Variants in GBF1 observed in about 807,000 individuals in gnomAD.
The protein encoded by GBF1 is golgi brefeldin A resistant guanine nucleotide exchange factor 1.
GBF1 carries 114 observed loss-of-function variants against 210.5 expected under a neutral mutation model. The observed-to-expected ratio is 0.54, with a 90% CI of 0.47 to 0.63. The LOEUF (loss-of-function observed/expected upper bound fraction) is 0.63. Among genes scored for constraint, GBF1 ranks in the 30% least tolerant of loss-of-function variants. The pLI, the probability that GBF1 is intolerant of heterozygous loss-of-function variation, is 0.00. For missense variants in GBF1, 1,851 were observed against 2,357.7 expected, an observed-to-expected ratio of 0.79 and a Z score of 4.45; for synonymous variants, 850 against 889.2, an observed-to-expected ratio of 0.96 and a Z score of 0.78.
chr10:102,346,577 C>T (rs143756600), intron 4 of GBF1, among the ~76,000 whole-genome samples: 31 of 152,308 alleles, frequency 2.0e-4, no homozygotes, highest in African/African-American at 6.5e-4. Context: ...GGCACAATCA[C>T]GGCTCACTGC....
chr10:102,344,029 A>AGACAAGC, intron 3 of GBF1, 22 bp from the exon 4 acceptor site: 1 of 1,607,868 alleles, frequency 6.2e-7, no homozygotes, highest in Non-Finnish European at 8.5e-7. Flanking sequence ...ATACCTCTTC[A>AGACAAGC]TTTCTGTGTA....
chr10:102,237,552 C>T, the GBF1 span, among the ~76,000 whole-genome samples: 6 of 151,926 alleles, frequency 3.9e-5, no homozygotes, highest in South Asian at 4.2e-4. Context: ...CATCAAAAAC[C>T]GCTAAGATTC....
chr10:102,242,153 C>T (rs1465484252), upstream of GBF1, among the ~76,000 whole-genome samples: 1 of 152,216 alleles, frequency 6.6e-6, no homozygotes, highest in Non-Finnish European at 1.5e-5. Flanking sequence ...CTTTCCTCTT[C>T]TTCATTTCCC....
At chr10:102,376,521 G>A (rs1334841285) in intron 31 of GBF1, 39 bp from the exon 32 acceptor site, 4 of 1,612,762 alleles carry the variant, frequency 2.5e-6, no homozygotes, top group South Asian at 2.2e-5. Flanking sequence ...TCACACAGGG[G>A]CCAAGCCTGT....
At chr10:102,378,637 AAAATAAAATAAG>A (rs2060652697) in intron 33 of GBF1, among the ~76,000 whole-genome samples, 1 of 151,812 alleles carries the variant, frequency 6.6e-6, no homozygotes, top group South Asian at 2.1e-4. Context: ...CCTGTCTCAA[AAAATAAAATAAG>A]AAATAAAATT....
Position 102,379,266 on chromosome 10 carries a change from C to A in GBF1, c.4495-18C>A. On this transcript the variant is annotated intron_variant, in intron 33 of 39. Transcript: ENST00000369983. ...AGACCTAACCCCACTCACATCCTGC[C>A]CCCTCCTGTGATCCTAGTTGCTAGA... The A allele has an allele frequency of 6.2e-7, 1 of 1,609,498 alleles. No individual in the cohort carries two copies. The highest frequency in any genetic ancestry group is 8.5e-7 in the Non-Finnish European group (1 of 1,177,792).
Position 102,367,466 on chromosome 10 carries a change from G to A in GBF1, c.2560-12G>A. 6.3e-7 allele frequency: 1 copy of A among 1,575,538 alleles called. No homozygotes were observed. The highest frequency in any genetic ancestry group is 8.7e-7 in the Non-Finnish European group (1 of 1,144,756). On this transcript the variant is annotated splice_polypyrimidine_tract_variant and intron_variant, in intron 20 of 39. Coordinates refer to ENST00000369983, the MANE Select transcript of GBF1 (RefSeq NM_001377137.1). The stretch of plus-strand genomic sequence containing the variant: ...TGACACAAGGGGAAAAAACTTACTG[G>A]CCTGTCTCTAGGAGTTTCGCAAAAA...
chr10:102,236,154 A>T, the GBF1 span, among the ~76,000 whole-genome samples: 1 of 152,212 alleles, frequency 6.6e-6, no homozygotes, highest in African/African-American at 2.4e-5. Flanking sequence ...GGGGGCGCCA[A>T]GCTGTTGTCT....
rs773507220 is a variant in GBF1 at position 102,375,449 on chromosome 10, C to A, written c.3751C>A (p.Leu1251Met). 6.2e-7 allele frequency: 1 copy of A among 1,613,228 alleles called. No individual in the cohort carries two copies. Among genetic ancestry groups the A allele is most frequent in the Admixed American group, 1.7e-5 (1 of 60,010 alleles). Residue 1251 changes from leucine (L) to methionine (M), a missense_variant, in exon 30 of 40, where the codon CTG (leucine) becomes ATG (methionine). Leu to Met is a conservative substitution (Grantham distance 15). Around this residue, in one of 3 missense-constraint regions of GBF1, gnomAD observed 967 missense variants for 1,247.7 expected, o/e 0.78. Coordinates refer to ENST00000369983, the MANE Select transcript of GBF1 (RefSeq NM_001377137.1). Reference sequence around the variant, plus strand: ...GGTTGCGTATGGGCTCCATGAACTCCTGAAGACCAATGCAGCCAACATCCA... The same window carrying A: ...GGTTGCGTATGGGCTCCATGAACTCATGAAGACCAATGCAGCCAACATCCA... Reference protein sequence around the residue: ...HQVAYGLHELLKTNAANIHSG... With the variant: ...HQVAYGLHELMKTNAANIHSG...
intron 1 of GBF1, among the ~76,000 whole-genome samples, chr10:102,246,748 A>G (rs2070884115): frequency 6.6e-6 from 1 of 152,216 alleles, no homozygotes; most frequent in South Asian, 2.1e-4. Context: ...GTAAAGCTAT[A>G]AAAGTCCACC....
At chr10:102,286,404 A>G (rs1034063690) in intron 3 of GBF1, among the ~76,000 whole-genome samples, 3 of 152,110 alleles carry the variant, frequency 2.0e-5, no homozygotes, top group African/African-American at 7.2e-5. Context: ...TATATCAGAG[A>G]TCAGACTTAG....
In GBF1 at chr10:102,377,248, C is replaced by T. The variant is rs1293338804; in HGVS notation, c.4494+108C>T. 7.6e-6 allele frequency: 6 copies of T among 790,310 alleles called. No individual in the cohort carries two copies. In the African/African-American group the frequency reaches 8.6e-5, roughly 11 times the overall value. The allele number at this position is 790,310 out of a possible 1,614,324, so 49.0% of individuals were successfully genotyped here. A position where few individuals can be genotyped will look rare whatever the true frequency, so the allele number is the denominator to read the frequency against. ...GGGGAAGGGCCCATGTGTGCCAGCC[C>T]AGGCCCTGGACCACCATCTTCACAA... On this transcript the variant is annotated intron_variant, in intron 33 of 39. Coordinates refer to ENST00000369983, the MANE Select transcript of GBF1 (RefSeq NM_001377137.1).
Position 102,344,122 on chromosome 10 carries a change from G to A in GBF1, c.235G>A (p.Gly79Ser), listed in dbSNP as rs778524141. 6.2e-7 allele frequency: 1 copy of A among 1,612,066 alleles called. No individual in the cohort carries two copies. The highest frequency in any genetic ancestry group is 1.1e-5 in the South Asian group (1 of 91,032). The change falls in exon 4 of 40, where the codon GGC (glycine) becomes AGC (serine). Residue 79 changes from glycine to serine, a missense_variant. This residue lies in a region of GBF1 where 804 missense variants were observed against 958.6 expected (regional missense o/e 0.84). Coordinates refer to ENST00000369983, the MANE Select transcript of GBF1 (RefSeq NM_001377137.1). ...AGTGATTCGCTCTGAAGATACCACT[G>A]GCCCTATCACTGGACTGGCACTCAC... ...LEVIRSEDTT[G>S]PITGLALTSV...
At chr10:102,274,420 G>A (rs1248316569) in intron 3 of GBF1, among the ~76,000 whole-genome samples, 2 of 151,846 alleles carry the variant, frequency 1.3e-5, no homozygotes. Flanking sequence ...GGCCTTGAAT[G>A]TCTTATAGTT....
chr10:102,258,500 A>G (rs773299820), intron 1 of GBF1, among the ~76,000 whole-genome samples: 1 of 144,934 alleles, frequency 6.9e-6, no homozygotes, highest in Non-Finnish European at 1.5e-5. Flanking sequence ...GGCCAGGTGC[A>G]GTGGCTCACG....
At chr10:102,300,535 T>G (rs1307302655) in intron 3 of GBF1, among the ~76,000 whole-genome samples, 1 of 152,170 alleles carries the variant, frequency 6.6e-6, no homozygotes, top group Non-Finnish European at 1.5e-5. Flanking sequence ...CAAAACAAGT[T>G]AAATAAATGG....
At chr10:102,312,193 C>T (rs748217620) in intron 3 of GBF1, among the ~76,000 whole-genome samples, 4 of 151,282 alleles carry the variant, frequency 2.6e-5, no homozygotes, top group East Asian at 1.9e-4. Flanking sequence ...CAATGGAGGC[C>T]GAGGCGGGAG....
chr10:102,299,944 C>T (rs1174920879), intron 3 of GBF1, among the ~76,000 whole-genome samples: 1 of 151,998 alleles, frequency 6.6e-6, no homozygotes, highest in African/African-American at 2.4e-5. Context: ...TGGTGACATT[C>T]ATTTAAAGTA....
rs764131907 is a variant in GBF1, at chr10:102,379,867, A to G, written c.4791A>G (p.Leu1597=). The G allele has an allele frequency of 1.2e-6, 2 of 1,612,864 alleles. No individual in the cohort carries two copies. The highest frequency in any genetic ancestry group is 2.2e-5 in the South Asian group (2 of 90,994). The change falls in exon 36 of 40, where the codon CTA becomes CTG. Residue 1597 remains leucine, a synonymous_variant. Transcript: ENST00000369983. The stretch of plus-strand genomic sequence containing the variant: ...ACCCCCACCAGGTGCTGTTTCCTCT[A>G]CTTACCAAGCTCTTGGAGAACATCA... ...ESCFNKVLFP[L]LTKLLENISP...
Sources: allele counts gnomAD v4.1 joint callset (sites outside exome capture counted in the v4.1 genomes callset), GRCh38; gene constraint gnomAD v4.1.1; regional missense constraint gnomAD v4.1.1; transcripts MANE v1.5; gene names NCBI Gene and HGNC (gene_info 2026-07-23, HGNC 2026-07-21).